Variants in ZNF652 observed in about 807,000 individuals in gnomAD.
ZNF652 encodes zinc finger protein 652.
A neutral mutation model predicts 45.2 loss-of-function variants in ZNF652; 16 were observed. That is an observed-to-expected ratio of 0.35 (90% confidence interval 0.24 to 0.54). The LOEUF (loss-of-function observed/expected upper bound fraction) is 0.54, where lower values mean the gene tolerates loss of function less well. ZNF652 is among the 20% of genes least tolerant of loss of function. ZNF652 has a pLI of 0.91. For synonymous variants in ZNF652, 250 were observed against 260.6 expected (o/e 0.96, Z 0.39); for missense variants, 614 against 765.6 (o/e 0.80, Z 2.34).
chr17:49,316,038 T>C (rs1480422155), intron 2 of ZNF652, among the ~76,000 whole-genome samples: 3 of 152,248 alleles, frequency 2.0e-5, no homozygotes, highest in Non-Finnish European at 4.4e-5. Flanking sequence ...GAGACATGAA[T>C]AGACTTACCT....
intron 5 of ZNF652, among the ~76,000 whole-genome samples, chr17:49,308,689 C>T (rs778993212): frequency 6.6e-6 from 1 of 151,808 alleles, no homozygotes; most frequent in Non-Finnish European, 1.5e-5. Context: ...GTAGTCCCAA[C>T]TACTTGGGAG....
chr17:49,305,288 A>C (rs940507136), intron 5 of ZNF652, among the ~76,000 whole-genome samples: 1 of 152,094 alleles, frequency 6.6e-6, no homozygotes, highest in African/African-American at 2.4e-5. Context: ...TTTGTCTATC[A>C]CTTTAATCTC....
rs10609861 is a variant in ZNF652 at position 49,293,655 on chromosome 17, TAA to T, written c.*4756_*4757del. On this transcript the variant is annotated 3_prime_UTR_variant, in exon 6 of 6. Transcript: ENST00000430262. ...CTAATGGCTTATGACCTTTCATTCCTAAAAAAAAAAAAAAAAAAAAAAAAAAA... is the reference window on the plus strand; with the variant it reads ...CTAATGGCTTATGACCTTTCATTCCTAAAAAAAAAAAAAAAAAAAAAAAAA... 0.033 allele frequency among the ~76,000 whole-genome samples: 2,548 copies of T among 78,232 alleles called. 57 individuals carry two copies. The highest frequency in any genetic ancestry group is 0.084 in the East Asian group (248 of 2,968). The allele number at this position is 78,232 out of a possible 152,430, so 51.3% of individuals were successfully genotyped here. A position where few individuals can be genotyped will look rare whatever the true frequency, so the allele number is the denominator to read the frequency against.
chr17:49,305,206 A>C (rs934025067), intron 5 of ZNF652, among the ~76,000 whole-genome samples: 4 of 152,156 alleles, frequency 2.6e-5, no homozygotes, highest in African/African-American at 9.7e-5. Flanking sequence ...AAATTTTAAA[A>C]AGTTCATTCA....
intron 1 of ZNF652, among the ~76,000 whole-genome samples, chr17:49,328,820 TA>T (rs1171118940): frequency 6.6e-6 from 1 of 152,210 alleles, no homozygotes; most frequent in African/African-American, 2.4e-5. Flanking sequence ...GCAAACAGAC[TA>T]ATACAAATGC....
At chr17:49,309,326 T>C (rs2269932) in intron 5 of ZNF652, among the ~76,000 whole-genome samples, 27,480 of 102,816 alleles carry the variant, frequency 0.27, 3,332 homozygotes, top group South Asian at 0.37. Flanking sequence ...ACCCTGTCTC[T>C]ACTAAAAAAA....
intron 1 of ZNF652, among the ~76,000 whole-genome samples, chr17:49,355,045 G>C (rs1484504020): frequency 6.6e-6 from 1 of 152,048 alleles, no homozygotes; most frequent in Non-Finnish European, 1.5e-5. Flanking sequence ...GTATTAAAGA[G>C]CATGGCTACA....
chr17:49,317,143 C>T lies in ZNF652; in HGVS notation c.583G>A (p.Ala195Thr). 1 of 1,613,994 alleles carries T rather than the reference C, an allele frequency of 6.2e-7. No individual in the cohort carries two copies. The highest frequency in any genetic ancestry group is 8.5e-7 in the Non-Finnish European group (1 of 1,180,008). The change falls in exon 2 of 6, where the codon GCT (alanine) becomes ACT (threonine). Residue 195 changes from alanine (A) to threonine (T), a missense_variant. Ala to Thr is a moderately conservative substitution (Grantham distance 58). Coordinates refer to ENST00000430262, the MANE Select transcript of ZNF652 (RefSeq NM_001145365.3). ...VSVTQRRTRR[A>T]ASVAAATTSP... ...GTGGTAGCTGCGGCAACAGAGGCAGCTCTCCTGGTTCTCCTTTGTGTAACG... is the reference window on the plus strand; with the variant it reads ...GTGGTAGCTGCGGCAACAGAGGCAGTTCTCCTGGTTCTCCTTTGTGTAACG...
intron 1 of ZNF652, among the ~76,000 whole-genome samples, chr17:49,319,214 A>C (rs2069853042): frequency 6.6e-6 from 1 of 152,230 alleles, no homozygotes; most frequent in African/African-American, 2.4e-5. Flanking sequence ...TGTCTAGTTG[A>C]CAAAAGGAAG....
Position 49,291,265 on chromosome 17 carries a change from A to G in ZNF652, c.*7148T>C, listed in dbSNP as rs2069401274. On this transcript the variant is annotated 3_prime_UTR_variant, in exon 6 of 6. Coordinates refer to ENST00000430262, the MANE Select transcript of ZNF652 (RefSeq NM_001145365.3). ...TCAGACGGTCCCTTTTCACCCATAA[A>G]AGACAGGTAGGGAGGAAGCTGTGTT... The G allele has an allele frequency of 6.6e-6, 1 of 152,340 alleles. No homozygotes were observed. Among genetic ancestry groups the G allele is most frequent in the South Asian group, 2.1e-4 (1 of 4,832 alleles). 9.4% of individuals were successfully genotyped at this position (152,340 alleles called of 1,614,324 possible).
intron 1 of ZNF652, among the ~76,000 whole-genome samples, chr17:49,342,560 G>A (rs868069795): frequency 0.022 from 1,002 of 45,954 alleles, 38 homozygotes; most frequent in African/African-American, 0.072. Flanking sequence ...ATAAAGGGGG[G>A]GGGGGGGGGG....
intron 3 of ZNF652, 88 bp downstream of exon 3, chr17:49,312,610 T>G (rs2069731831): frequency 7.0e-7 from 1 of 1,431,232 alleles, no homozygotes; most frequent in Admixed American, 2.1e-5. Context: ...ATTAGGGCAA[T>G]TCCTCATATC....
In ZNF652 at chr17:49,298,330, C is replaced by T; in HGVS notation, c.*83G>A. ...GTAGAGGCGGAGGAGAGTCTGAGAA[C>T]TAAGGAAATGCTCACCGACTCCCTC... On this transcript the variant is annotated 3_prime_UTR_variant, in exon 6 of 6. Coordinates refer to ENST00000430262, the MANE Select transcript of ZNF652 (RefSeq NM_001145365.3). 2 of 1,550,670 alleles carry T rather than the reference C, an allele frequency of 1.3e-6. No individual in the cohort carries two copies. The highest frequency in any genetic ancestry group is 1.7e-6 in the Non-Finnish European group (2 of 1,143,058).
chr17:49,327,592 T>C (rs567112324), intron 1 of ZNF652, among the ~76,000 whole-genome samples: 2 of 150,830 alleles, frequency 1.3e-5, no homozygotes, highest in Non-Finnish European at 1.5e-5. Context: ...AAATATAGCA[T>C]AGCAGACCAG....
chr17:49,333,973 TA>T (rs889002129), intron 1 of ZNF652, among the ~76,000 whole-genome samples: 96 of 147,286 alleles, frequency 6.5e-4, no homozygotes, highest in African/African-American at 1.9e-3. Context: ...GGCAGTTCCT[TA>T]AAAAAAAAAA....
chr17:49,298,372 T>G lies in ZNF652; in HGVS notation c.*41A>C. 6.2e-7 allele frequency: 1 copy of G among 1,609,824 alleles called. No individual in the cohort carries two copies. Among genetic ancestry groups the G allele is most frequent in the Middle Eastern group, 2.2e-4 (1 of 4,456 alleles). ...GACTCCCTCTGTGCACGCTCACACA[T>G]GGGGACGTGTCTCCTGGAGAACACA... On this transcript the variant is annotated 3_prime_UTR_variant, in exon 6 of 6. Coordinates refer to ENST00000430262, the MANE Select transcript of ZNF652 (RefSeq NM_001145365.3).
At chr17:49,326,241 TAAA>T (rs56916451) in intron 1 of ZNF652, among the ~76,000 whole-genome samples, 4 of 94,068 alleles carry the variant, frequency 4.3e-5, no homozygotes, top group African/African-American at 1.2e-4. Context: ...ACCCCATCTC[TAAA>T]AAAAAAAAAA....
chr17:49,310,017 G>A (rs1450900369), intron 5 of ZNF652, among the ~76,000 whole-genome samples: 1 of 151,934 alleles, frequency 6.6e-6, no homozygotes, highest in African/African-American at 2.4e-5. Context: ...GCAGTGGTGC[G>A]ATCTTGGCTC....
rs1214678651 is a variant in ZNF652 at position 49,312,051 on chromosome 17, C to T, written c.1049-9G>A. 3.1e-6 allele frequency: 5 copies of T among 1,599,434 alleles called. No homozygotes were observed. Among genetic ancestry groups the T allele is most frequent in the South Asian group, 1.1e-5 (1 of 90,002 alleles). Reference sequence around the variant, plus strand: ...CATGTCTTTTGTGTGTGCTGCAACACAGAATGTACTTAGTGTCAAAACAAA... The same window carrying T: ...CATGTCTTTTGTGTGTGCTGCAACATAGAATGTACTTAGTGTCAAAACAAA... On this transcript the variant is annotated splice_polypyrimidine_tract_variant and intron_variant, in intron 3 of 5. Coordinates refer to ENST00000430262, the MANE Select transcript of ZNF652 (RefSeq NM_001145365.3).
Sources: allele counts gnomAD v4.1 joint callset (sites outside exome capture counted in the v4.1 genomes callset), GRCh38; gene constraint gnomAD v4.1.1; transcripts MANE v1.5; gene names NCBI Gene and HGNC (gene_info 2026-07-23, HGNC 2026-07-21).